GADL1: variants seen among roughly 807,000 people sequenced by gnomAD.
GADL1 encodes the protein GAD like acidic amino acid decarboxylase 1, also known as acidic amino acid decarboxylase GADL1.
In GADL1, 71 loss-of-function variants were observed where a neutral mutation model predicts 69.5. That is an observed-to-expected ratio of 1.02 (90% CI 0.84 to 1.25). The LOEUF (loss-of-function observed/expected upper bound fraction) is 1.25, where lower values mean the gene tolerates loss of function less well. GADL1 is among the 50% of genes most tolerant of loss of function. GADL1 has a pLI of 0.00. For synonymous variants in GADL1, 254 were observed against 214.4 expected, an observed-to-expected ratio of 1.18 and a Z score of -1.62; for missense variants, 737 against 631.8, an observed-to-expected ratio of 1.17 and a Z score of -1.79.
At chr3:30,781,384 A>C (rs2066364677) in intron 13 of GADL1, among the ~76,000 whole-genome samples, 1 of 152,198 alleles carries the variant, frequency 6.6e-6, no homozygotes, top group Non-Finnish European at 1.5e-5. Flanking sequence ...AAAGAAATTC[A>C]TCTCCTTTGC....
chr3:30,800,123 G>GTACA (rs1444685013), intron 12 of GADL1: 1 of 152,660 alleles, frequency 6.6e-6, no homozygotes, highest in East Asian at 1.9e-4. Flanking sequence ...CCATTCTACT[G>GTACA]GTACTAATTT....
intron 14 of GADL1, among the ~76,000 whole-genome samples, chr3:30,734,192 A>C (rs1246443313): frequency 6.6e-6 from 1 of 152,236 alleles, no homozygotes; most frequent in African/African-American, 2.4e-5. Context: ...GTTAGATCAC[A>C]AAGTCTCACA....
chr3:30,828,231 A>T (rs1382056334), intron 11 of GADL1, among the ~76,000 whole-genome samples: 3 of 151,922 alleles, frequency 2.0e-5, no homozygotes, highest in Non-Finnish European at 2.9e-5. Flanking sequence ...TTTAACTGGC[A>T]TGTAATAATT....
intron 12 of GADL1, among the ~76,000 whole-genome samples, chr3:30,788,046 G>A (rs1696834096): frequency 6.6e-6 from 1 of 152,152 alleles, no homozygotes; most frequent in Non-Finnish European, 1.5e-5. Flanking sequence ...ATACACATGG[G>A]CACGTATGCT....
At chr3:30,752,453 C>A (rs918284384) in intron 14 of GADL1, among the ~76,000 whole-genome samples, 2 of 151,714 alleles carry the variant, frequency 1.3e-5, no homozygotes, top group Admixed American at 1.3e-4. Flanking sequence ...CCAGTCTCTG[C>A]TTTTAGATAA....
intron 1 of GADL1, among the ~76,000 whole-genome samples, chr3:30,862,933 A>G (rs1426775440): frequency 2.0e-5 from 3 of 151,932 alleles, no homozygotes; most frequent in Admixed American, 2.0e-4. Flanking sequence ...GAGGAGACCA[A>G]GAAATGTAAA....
chr3:30,866,813 T>C (rs1698410905), intron 1 of GADL1, among the ~76,000 whole-genome samples: 1 of 152,086 alleles, frequency 6.6e-6, no homozygotes, highest in Non-Finnish European at 1.5e-5. Flanking sequence ...TACCAGATTA[T>C]AAACCTACAG....
intron 11 of GADL1, among the ~76,000 whole-genome samples, chr3:30,803,992 A>T (rs1328707809): frequency 6.6e-6 from 1 of 152,224 alleles, no homozygotes; most frequent in East Asian, 1.9e-4. Flanking sequence ...TGGCTTTCAG[A>T]GACAAGTATC....
intron 14 of GADL1, among the ~76,000 whole-genome samples, chr3:30,754,113 T>C (rs1393660558): frequency 6.6e-6 from 1 of 152,240 alleles, no homozygotes. Flanking sequence ...TGATTGCTAA[T>C]GTGCCTCCCA....
At chr3:30,793,423 A>C (rs756330778) in intron 12 of GADL1, among the ~76,000 whole-genome samples, 3 of 152,130 alleles carry the variant, frequency 2.0e-5, no homozygotes. Context: ...CCGGAAAAAA[A>C]GTACGTTCAG....
At chr3:30,865,311 T>TTA (rs1394628369) in intron 1 of GADL1, among the ~76,000 whole-genome samples, 8 of 149,752 alleles carry the variant, frequency 5.3e-5, no homozygotes, top group African/African-American at 2.0e-4. Flanking sequence ...ATATATTTTT[T>TTA]AATATCTGTC....
At position 30,828,916 on chromosome 3, in the gene GADL1, A is replaced by G. The variant is rs116677247; in HGVS notation, c.1050+4937T>C. ...TTCTATAGGGATTTATGCTAAAGGA[A>G]TACTAAAGAGGAATCATTTATACTT... On this transcript the variant is annotated intron_variant, in intron 11 of 14. Transcript: ENST00000282538. 8.3e-4 allele frequency among the ~76,000 whole-genome samples: 126 copies of G among 152,098 alleles called. 2 individuals carry two copies. Among genetic ancestry groups the G allele is most frequent in the African/African-American group, 2.9e-3 (120 of 41,544 alleles).
chr3:30,876,757 A>G (rs963347520), intron 1 of GADL1, among the ~76,000 whole-genome samples: 3 of 151,936 alleles, frequency 2.0e-5, no homozygotes, highest in Non-Finnish European at 4.4e-5. Flanking sequence ...CCTTCAACCA[A>G]TAAGTGATAG....
intron 9 of GADL1, among the ~76,000 whole-genome samples, chr3:30,836,813 C>T (rs891008289): frequency 6.6e-6 from 1 of 152,056 alleles, no homozygotes; most frequent in Non-Finnish European, 1.5e-5. Context: ...AAGAGCTAGA[C>T]CAGCCCGACG....
At chr3:30,786,768 G>T (rs535764375) in intron 12 of GADL1, among the ~76,000 whole-genome samples, 1 of 152,136 alleles carries the variant, frequency 6.6e-6, no homozygotes, top group Non-Finnish European at 1.5e-5. Flanking sequence ...TAGCTGGCTT[G>T]GAGGAAAGAG....
chr3:30,768,037 C>T (rs304827), intron 14 of GADL1, among the ~76,000 whole-genome samples: 21 of 5,344 alleles, frequency 3.9e-3, no homozygotes, highest in African/African-American at 0.013. Context: ...CTCCCCATAC[C>T]CCCCCCCCCC....
At chr3:30,786,600 G>A (rs1002658769) in intron 12 of GADL1, among the ~76,000 whole-genome samples, 194 bp from the exon 13 acceptor site, 8 of 152,142 alleles carry the variant, frequency 5.3e-5, no homozygotes, top group Non-Finnish European at 8.8e-5. Context: ...GTAAAAGGAT[G>A]CATCTTTTTG....
chr3:30,845,777 T>C (rs920859544), intron 6 of GADL1, among the ~76,000 whole-genome samples: 1 of 152,170 alleles, frequency 6.6e-6, no homozygotes, highest in African/African-American at 2.4e-5. Context: ...CTGCCTGCCA[T>C]AGCTAAGGTG....
At chr3:30,836,345 T>A (rs1243766374) in intron 9 of GADL1, among the ~76,000 whole-genome samples, 1 of 151,540 alleles carries the variant, frequency 6.6e-6, no homozygotes, top group African/African-American at 2.4e-5. Flanking sequence ...GTTCACCACT[T>A]CACAAAGTAC....
Sources: gnomAD v4.1 joint callset for allele counts (sites outside exome capture counted in the v4.1 genomes callset) on GRCh38, gnomAD v4.1.1 for gene constraint, MANE v1.5 for transcripts, NCBI Gene and HGNC (gene_info 2026-07-23, HGNC 2026-07-21) for gene names.